The following GSK3B variants were observed in gnomAD, a reference collection of about 807,000 sequenced individuals.
GSK3B encodes glycogen synthase kinase-3 beta.
Under a neutral mutation model 56.4 loss-of-function variants are expected in GSK3B, and 15 were observed. That is an observed-to-expected ratio of 0.27 (90% CI 0.18 to 0.41). The LOEUF (loss-of-function observed/expected upper bound fraction) is 0.41, where lower values mean the gene tolerates loss of function less well. GSK3B is among the 10% of genes least tolerant of loss of function. The pLI, the probability that GSK3B is intolerant of heterozygous loss-of-function variation, is 1.00. For missense variants in GSK3B, 300 were observed against 513.4 expected, an observed-to-expected ratio of 0.58 and a Z score of 4.02; for synonymous variants, 181 against 188.9, an observed-to-expected ratio of 0.96 and a Z score of 0.34.
chr3:120,017,614 A>C (rs565808893), intron 1 of GSK3B, among the ~76,000 whole-genome samples: 21 of 152,206 alleles, frequency 1.4e-4, no homozygotes, highest in Non-Finnish European at 2.8e-4. Flanking sequence ...GAGGTTATTA[A>C]ATCAAAAATT....
At chr3:119,947,413 A>G in intron 2 of GSK3B, 62 bp from the exon 3 acceptor site, 2 of 1,006,214 alleles carry the variant, frequency 2.0e-6, no homozygotes, top group Non-Finnish European at 3.1e-6. Context: ...CATATTGAAC[A>G]AGATGCTTCT....
chr3:120,027,075 AAAAAAAGCAGCAGG>A (rs1352109282), intron 1 of GSK3B, among the ~76,000 whole-genome samples: 1 of 150,894 alleles, frequency 6.6e-6, no homozygotes, highest in Non-Finnish European at 1.5e-5. Context: ...CCAAAAAAAA[AAAAAAAGCAGCAGG>A]AACGGCCAGG....
At chr3:120,074,989 A>T (rs920946430) in intron 1 of GSK3B, among the ~76,000 whole-genome samples, 19 of 152,226 alleles carry the variant, frequency 1.2e-4, no homozygotes, top group African/African-American at 3.9e-4. Flanking sequence ...GATGATACAA[A>T]AATCCTCAAT....
chr3:119,978,410 G>T (rs938824748), intron 2 of GSK3B, among the ~76,000 whole-genome samples: 1 of 152,142 alleles, frequency 6.6e-6, no homozygotes, highest in African/African-American at 2.4e-5. Context: ...ACTTCTTAAC[G>T]AAATCGGCCA....
Position 119,994,604 on chromosome 3 carries a change from G to A in GSK3B, c.282+7442C>T, listed in dbSNP as rs565690084. 2.6e-5 allele frequency among the ~76,000 whole-genome samples: 4 copies of A among 152,168 alleles called. No individual in the cohort carries two copies. In the South Asian group the frequency reaches 8.3e-4, roughly 32 times the overall value. ...ATCATTAACTAGACAGACATCATGG[G>A]TCTCCTGATATAATGCATTAAGAAG... On this transcript the variant is annotated intron_variant, in intron 2 of 10. Transcript: ENST00000264235.
intron 1 of GSK3B, among the ~76,000 whole-genome samples, chr3:120,054,116 A>C (rs1275743794): frequency 6.6e-6 from 1 of 152,230 alleles, no homozygotes; most frequent in Non-Finnish European, 1.5e-5. Flanking sequence ...GCATTATCTA[A>C]AAAATACCTT....
chr3:119,913,434 G>C (rs2056753928), intron 5 of GSK3B, among the ~76,000 whole-genome samples: 1 of 151,930 alleles, frequency 6.6e-6, no homozygotes, highest in African/African-American at 2.4e-5. Context: ...AAGTATAATT[G>C]CATGTTTTCT....
At chr3:120,011,515 T>C (rs1020414814) in intron 1 of GSK3B, among the ~76,000 whole-genome samples, 15 of 152,204 alleles carry the variant, frequency 9.9e-5, no homozygotes, top group Non-Finnish European at 1.9e-4. Context: ...ACAGATACTA[T>C]AGCTGAAAGA....
At chr3:120,075,620 C>T (rs1400857857) in intron 1 of GSK3B, among the ~76,000 whole-genome samples, 1 of 151,944 alleles carries the variant, frequency 6.6e-6, no homozygotes, top group East Asian at 1.9e-4. Flanking sequence ...ATTAAGAAAA[C>T]AGCCCCATTT....
chr3:120,093,138 A>C (rs1274266762), intron 1 of GSK3B, among the ~76,000 whole-genome samples: 1 of 152,158 alleles, frequency 6.6e-6, no homozygotes, highest in Non-Finnish European at 1.5e-5. Flanking sequence ...AATAAATATC[A>C]TATTATCTCA....
chr3:120,016,089 G>T (rs1320591781), intron 1 of GSK3B, among the ~76,000 whole-genome samples: 2 of 152,102 alleles, frequency 1.3e-5, no homozygotes, highest in East Asian at 3.9e-4. Context: ...GCAAAAACTG[G>T]ACAGGAGACA....
intron 1 of GSK3B, among the ~76,000 whole-genome samples, chr3:120,020,302 AGG>A (rs2057865127): frequency 6.6e-6 from 1 of 152,214 alleles, no homozygotes; most frequent in African/African-American, 2.4e-5. Context: ...TAATATAATA[AGG>A]AACATGCCTA....
At chr3:119,939,189 A>C (rs2057023762) in intron 3 of GSK3B, among the ~76,000 whole-genome samples, 1 of 152,106 alleles carries the variant, frequency 6.6e-6, no homozygotes, top group Non-Finnish European at 1.5e-5. Context: ...GGAGGGTAGG[A>C]AAGAAGCATT....
intron 1 of GSK3B, among the ~76,000 whole-genome samples, chr3:120,021,984 CTAAGAGTT>C (rs1290824348): frequency 6.6e-6 from 1 of 152,296 alleles, no homozygotes; most frequent in Middle Eastern, 3.4e-3. Context: ...TCACTTGAGT[CTAAGAGTT>C]TGAGTCCTGC....
chr3:119,852,176 T>C (rs1297784548), intron 9 of GSK3B, among the ~76,000 whole-genome samples: 1 of 152,214 alleles, frequency 6.6e-6, no homozygotes. Context: ...AATATGATAT[T>C]TGCTGAAAGC....
chr3:119,948,632 A>G (rs945096949), intron 2 of GSK3B, among the ~76,000 whole-genome samples: 1 of 152,214 alleles, frequency 6.6e-6, no homozygotes, highest in Non-Finnish European at 1.5e-5. Context: ...AAAACTACCA[A>G]CTTCAAAATT....
chr3:119,915,342 T>C (rs2056770232), intron 5 of GSK3B, among the ~76,000 whole-genome samples: 2 of 152,070 alleles, frequency 1.3e-5, no homozygotes. Context: ...TAATAATCAA[T>C]ATTTTGAAAA....
intron 1 of GSK3B, among the ~76,000 whole-genome samples, chr3:120,013,075 G>T (rs2057793383): frequency 6.6e-6 from 1 of 152,078 alleles, no homozygotes; most frequent in South Asian, 2.1e-4. Flanking sequence ...CTAAAAACAG[G>T]ATTGTACCTG....
chr3:119,902,662 G>A (rs1190920777), intron 7 of GSK3B, among the ~76,000 whole-genome samples: 1 of 152,136 alleles, frequency 6.6e-6, no homozygotes, highest in Admixed American at 6.6e-5. Context: ...CTCCCAAAGT[G>A]TTGGGATTAC....
Sources: gnomAD v4.1 joint callset for allele counts (sites outside exome capture counted in the v4.1 genomes callset) on GRCh38, gnomAD v4.1.1 for gene constraint, MANE v1.5 for transcripts, NCBI Gene and HGNC (gene_info 2026-07-23, HGNC 2026-07-21) for gene names.